MAP2K6: variants seen among roughly 807,000 people sequenced by gnomAD.
MAP2K6 encodes the protein mitogen-activated protein kinase kinase 6, also known as dual specificity mitogen-activated protein kinase kinase 6.
MAP2K6 carries 16 observed loss-of-function variants against 53.7 expected under a neutral mutation model. That is an observed-to-expected ratio of 0.30 (90% CI 0.20 to 0.45). MAP2K6 has a LOEUF of 0.45. MAP2K6 is among the 20% of genes least tolerant of loss of function. The pLI is 1.00. For synonymous variants in MAP2K6, 132 were observed against 143.1 expected, an observed-to-expected ratio of 0.92 and a Z score of 0.55; for missense variants, 204 against 411.9, an observed-to-expected ratio of 0.50 and a Z score of 4.37.
At chr17:69,526,460 A>G (rs1197373971) in intron 9 of MAP2K6, 110 bp from the exon 10 acceptor site, 5 of 1,182,530 alleles carry the variant, frequency 4.2e-6, no homozygotes, top group Non-Finnish European at 6.0e-6. Flanking sequence ...CTGGACTTAT[A>G]CTTGAACTTT....
In MAP2K6 at chr17:69,449,561, A is replaced by ATTTC. The variant is rs1230834033; in HGVS notation, c.16+34589_16+34592dup. Among the ~76,000 whole-genome samples, 406 of 102,052 alleles carry ATTTC rather than the reference A, an allele frequency of 4.0e-3. 5 individuals are homozygous for ATTTC. Among genetic ancestry groups the ATTTC allele is most frequent in the East Asian group, 0.013 (50 of 3,918 alleles). 67.0% of individuals were successfully genotyped at this position (102,052 alleles called of 152,430 possible). A position where few individuals can be genotyped will look rare whatever the true frequency, so the allele number is the denominator to read the frequency against. ...TCTTTCTTTCTTTCTTTCTTTCTTT[A>ATTTC]TTTCTTTCTTTCTTTCTTTCTTTCT... On this transcript the variant is annotated intron_variant, in intron 1 of 11. Coordinates refer to ENST00000590474, the MANE Select transcript of MAP2K6 (RefSeq NM_002758.4).
chr17:69,515,012 C>G (rs967509429), intron 2 of MAP2K6, among the ~76,000 whole-genome samples: 15 of 152,100 alleles, frequency 9.9e-5, no homozygotes, highest in African/African-American at 3.1e-4. Flanking sequence ...CTTTTTCTGG[C>G]ATGGAATGTG....
chr17:69,539,544 CT>C (rs1911513609), intron 11 of MAP2K6, among the ~76,000 whole-genome samples: 1 of 152,220 alleles, frequency 6.6e-6, no homozygotes, highest in African/African-American at 2.4e-5. Flanking sequence ...TCCCCTCCCC[CT>C]GCCCTTCTGG....
At chr17:69,448,489 C>T (rs1429256180) in intron 1 of MAP2K6, among the ~76,000 whole-genome samples, 1 of 152,184 alleles carries the variant, frequency 6.6e-6, no homozygotes, top group African/African-American at 2.4e-5. Context: ...GTGGTTCCCC[C>T]ATGGCTGTCT....
chr17:69,511,173 A>G (rs935620061), intron 2 of MAP2K6, among the ~76,000 whole-genome samples: 1 of 152,194 alleles, frequency 6.6e-6, no homozygotes, highest in Non-Finnish European at 1.5e-5. Flanking sequence ...CTCGTATGGT[A>G]TTAATAAGGT....
At chr17:69,528,775 C>G (rs1451771711) in intron 10 of MAP2K6, among the ~76,000 whole-genome samples, 1 of 140,134 alleles carries the variant, frequency 7.1e-6, no homozygotes, top group Non-Finnish European at 1.5e-5. Flanking sequence ...AGGAGAATTG[C>G]TTGAACCTAG....
At chr17:69,441,441 GGTT>G (rs1906815959) in intron 1 of MAP2K6, among the ~76,000 whole-genome samples, 1 of 151,734 alleles carries the variant, frequency 6.6e-6, no homozygotes, top group African/African-American at 2.4e-5. Flanking sequence ...TTTGAATTTT[GGTT>G]GTTGTATTTT....
chr17:69,490,545 T>C (rs1908701538), intron 1 of MAP2K6, among the ~76,000 whole-genome samples: 1 of 151,618 alleles, frequency 6.6e-6, no homozygotes, highest in Admixed American at 6.6e-5. Flanking sequence ...TGTTAGAGAG[T>C]GTGGCAGTGT....
At chr17:69,523,406 G>C in intron 7 of MAP2K6, 108 bp from the exon 8 acceptor site, 1 of 1,441,392 alleles carries the variant, frequency 6.9e-7, no homozygotes, top group Non-Finnish European at 9.7e-7. Flanking sequence ...GGGCAGCTTG[G>C]GGAAAGGAAG....
chr17:69,491,407 G>A (rs113444875), intron 1 of MAP2K6, among the ~76,000 whole-genome samples: 6,583 of 152,156 alleles, frequency 0.043, 415 homozygotes, highest in East Asian at 0.16. Context: ...GCTTCCCAAA[G>A]TGCTGGGATT....
At chr17:69,535,043 A>T (rs1484235998) in intron 10 of MAP2K6, among the ~76,000 whole-genome samples, 1 of 148,310 alleles carries the variant, frequency 6.7e-6, no homozygotes, top group African/African-American at 2.5e-5. Context: ...GAATGGGGTG[A>T]TGGGTTGGTC....
chr17:69,471,019 C>A (rs575230076), intron 1 of MAP2K6, among the ~76,000 whole-genome samples: 73 of 152,324 alleles, frequency 4.8e-4, no homozygotes, highest in South Asian at 1.0e-3. Context: ...AGGACAGTAC[C>A]TGCACACAGG....
chr17:69,531,530 G>T (rs888245490), intron 10 of MAP2K6, among the ~76,000 whole-genome samples: 4 of 152,114 alleles, frequency 2.6e-5, no homozygotes, highest in African/African-American at 9.7e-5. Context: ...AGTTTGTAGG[G>T]TGAAGTAGAA....
intron 1 of MAP2K6, among the ~76,000 whole-genome samples, chr17:69,428,424 A>G (rs915703135): frequency 6.6e-6 from 1 of 152,206 alleles, no homozygotes; most frequent in African/African-American, 2.4e-5. Flanking sequence ...CTGTGTCTGT[A>G]TCCAAATTTC....
chr17:69,512,328 G>GTGTTTT (rs1909868830), intron 2 of MAP2K6, among the ~76,000 whole-genome samples: 1 of 75,184 alleles, frequency 1.3e-5, no homozygotes, highest in Non-Finnish European at 2.6e-5. Context: ...CTTTCTAAGT[G>GTGTTTT]TTTTTTTTTT....
At chr17:69,504,161 G>T (rs113174432) in intron 1 of MAP2K6, among the ~76,000 whole-genome samples, 1 of 123,134 alleles carries the variant, frequency 8.1e-6, no homozygotes, top group Non-Finnish European at 1.8e-5. Context: ...ATTTTAATTG[G>T]TTTAAGTTTC....
intron 1 of MAP2K6, among the ~76,000 whole-genome samples, chr17:69,449,545 C>CTTTCTTTA (rs1907113592): frequency 3.8e-5 from 4 of 105,670 alleles, no homozygotes; most frequent in East Asian, 2.5e-4. Context: ...TTCTTTCTTT[C>CTTTCTTTA]TTTCTTTCTT....
chr17:69,503,167 T>C (rs1909255784), intron 1 of MAP2K6, among the ~76,000 whole-genome samples: 1 of 152,228 alleles, frequency 6.6e-6, no homozygotes, highest in Admixed American at 6.5e-5. Context: ...ACCTGAATTA[T>C]CTGTCACCTG....
intron 1 of MAP2K6, among the ~76,000 whole-genome samples, chr17:69,449,219 A>C (rs991443505): frequency 6.6e-6 from 1 of 152,190 alleles, no homozygotes; most frequent in Non-Finnish European, 1.5e-5. Context: ...TGATACTGGT[A>C]TCCAGGACAT....
Sources: allele counts gnomAD v4.1 joint callset (sites outside exome capture counted in the v4.1 genomes callset), GRCh38; gene constraint gnomAD v4.1.1; transcripts MANE v1.5; gene names NCBI Gene and HGNC (gene_info 2026-07-23, HGNC 2026-07-21).